The following GALNT13 variants were observed in gnomAD, a reference collection of about 807,000 sequenced individuals.
The protein encoded by GALNT13 is UDP-GalNAc:polypeptide N-acetylgalactosaminyltransferase 13.
GALNT13 carries 28 observed loss-of-function variants against 64.2 expected under a neutral mutation model. The ratio of observed to expected loss-of-function variants is 0.44; its 90% CI spans 0.32 to 0.60. The LOEUF is 0.60. Among genes scored for constraint, GALNT13 ranks in the 20% least tolerant of loss-of-function variants. GALNT13 has a pLI of 0.05. For missense variants in GALNT13, 577 were observed against 669.8 expected (o/e 0.86, Z 1.53); for synonymous variants, 214 against 224.6 (o/e 0.95, Z 0.42).
At chr2:154,284,313 A>G (rs143257820) in intron 8 of GALNT13, among the ~76,000 whole-genome samples, 19 of 152,084 alleles carry the variant, frequency 1.2e-4, no homozygotes, top group African/African-American at 4.3e-4. Context: ...TTCTCTTTCT[A>G]TGAGATTGAC....
the GALNT13 span, among the ~76,000 whole-genome samples, chr2:153,583,561 C>A: frequency 1.3e-5 from 2 of 152,078 alleles, no homozygotes; most frequent in Non-Finnish European, 2.9e-5. Flanking sequence ...TGAATGAATG[C>A]CTTTTTGTGG....
chr2:153,823,338 G>A, the GALNT13 span, among the ~76,000 whole-genome samples: 1 of 152,140 alleles, frequency 6.6e-6, no homozygotes, highest in African/African-American at 2.4e-5. Context: ...TGAAAAGACC[G>A]AAACCAGAGA....
chr2:153,653,086 A>T, the GALNT13 span, among the ~76,000 whole-genome samples: 2 of 152,152 alleles, frequency 1.3e-5, no homozygotes, highest in African/African-American at 4.8e-5. Context: ...TAGCCTTGCA[A>T]TTGAGTCAGG....
chr2:154,362,460 A>C (rs1697129697), intron 9 of GALNT13, among the ~76,000 whole-genome samples: 3 of 151,720 alleles, frequency 2.0e-5, no homozygotes, highest in Admixed American at 6.6e-5. Context: ...CTCTCGGAGA[A>C]TGTTTAGCAT....
the GALNT13 span, among the ~76,000 whole-genome samples, chr2:153,504,084 C>A: frequency 3.9e-5 from 6 of 152,082 alleles, no homozygotes; most frequent in Non-Finnish European, 5.9e-5. Context: ...TTGTAGTTTT[C>A]TTCTTAGAAA....
the GALNT13 span, among the ~76,000 whole-genome samples, chr2:153,838,953 T>C: frequency 6.6e-6 from 1 of 151,910 alleles, no homozygotes; most frequent in African/African-American, 2.4e-5. Flanking sequence ...TTCAATTTTT[T>C]ATCTTTTTTT....
At chr2:153,178,471 A>T in the GALNT13 span, among the ~76,000 whole-genome samples, 9 of 152,194 alleles carry the variant, frequency 5.9e-5, no homozygotes, top group South Asian at 1.0e-3. Flanking sequence ...GATGTTGAAT[A>T]TTTTGTCATA....
the GALNT13 span, among the ~76,000 whole-genome samples, chr2:153,651,160 A>G: frequency 6.6e-6 from 1 of 151,982 alleles, no homozygotes; most frequent in Non-Finnish European, 1.5e-5. Flanking sequence ...TATTCGTACC[A>G]CAATAAAGTA....
chr2:154,250,191 T>C (rs1689995274), intron 7 of GALNT13, among the ~76,000 whole-genome samples: 2 of 152,108 alleles, frequency 1.3e-5, no homozygotes, highest in Admixed American at 6.5e-5. Context: ...GTTTTAAATT[T>C]ATATCTGATA....
intron 8 of GALNT13, among the ~76,000 whole-genome samples, chr2:154,263,339 G>A (rs1199491974): frequency 2.0e-5 from 3 of 152,112 alleles, no homozygotes; most frequent in Non-Finnish European, 2.9e-5. Context: ...ATGATATTAT[G>A]TATATTGTGC....
the GALNT13 span, among the ~76,000 whole-genome samples, chr2:153,656,794 G>A: frequency 1.3e-5 from 2 of 152,098 alleles, no homozygotes; most frequent in Non-Finnish European, 2.9e-5. Context: ...GAGAACCGGG[G>A]CATCAAATCT....
At chr2:153,755,012 C>A in the GALNT13 span, among the ~76,000 whole-genome samples, 2 of 152,120 alleles carry the variant, frequency 1.3e-5, no homozygotes, top group Non-Finnish European at 2.9e-5. Context: ...GCTGCACTCT[C>A]CCTCTCTCTA....
chr2:153,783,409 GTTGT>G, the GALNT13 span, among the ~76,000 whole-genome samples: 36,308 of 151,654 alleles, frequency 0.24, 5,650 homozygotes, highest in Middle Eastern at 0.44. Context: ...TTTTTTTGTT[GTTGT>G]TTGTTTGTTT....
At chr2:154,055,713 G>A (rs910660040) in intron 3 of GALNT13, among the ~76,000 whole-genome samples, 2 of 152,016 alleles carry the variant, frequency 1.3e-5, no homozygotes, top group African/African-American at 2.4e-5. Flanking sequence ...AATTTCAAAG[G>A]CAAGCCAGTA....
At chr2:153,218,902 CTGAT>C in the GALNT13 span, among the ~76,000 whole-genome samples, 1,576 of 152,224 alleles carry the variant, frequency 0.01, 26 homozygotes, top group African/African-American at 0.035. Context: ...CCCTAGTTCT[CTGAT>C]TGGTTCAAAA....
rs150312027 is a variant in GALNT13 at position 154,247,776 on chromosome 2, G to A, written c.857+1794G>A. On this transcript the variant is annotated intron_variant, in intron 7 of 12. Coordinates refer to ENST00000392825, the MANE Select transcript of GALNT13 (RefSeq NM_052917.4). ...AGTATATTTTGTTTCCTGCAGTAAC[G>A]GCACATCATTTTATTTTCTAACATG... 6.6e-5 allele frequency among the ~76,000 whole-genome samples: 10 copies of A among 152,046 alleles called. No individual in the cohort carries two copies. The East Asian group carries it at 1.2e-3, about 18-fold the overall frequency.
chr2:153,535,130 G>A, the GALNT13 span, among the ~76,000 whole-genome samples: 256 of 152,142 alleles, frequency 1.7e-3, 1 homozygote, highest in South Asian at 3.1e-3. Context: ...CTGAAGGGAG[G>A]TCTTGTGGTA....
the GALNT13 span, among the ~76,000 whole-genome samples, chr2:153,245,607 T>TC: frequency 6.6e-6 from 1 of 151,260 alleles, no homozygotes; most frequent in Non-Finnish European, 1.5e-5. Flanking sequence ...AGAAAAGACC[T>TC]CCCCCCCTCC....
chr2:153,510,415 C>T, the GALNT13 span, among the ~76,000 whole-genome samples: 1 of 152,158 alleles, frequency 6.6e-6, no homozygotes, highest in Non-Finnish European at 1.5e-5. Flanking sequence ...GGAACCATTC[C>T]AGGCTTAGAC....
Sources: gnomAD v4.1 joint callset for allele counts (sites outside exome capture counted in the v4.1 genomes callset) on GRCh38, gnomAD v4.1.1 for gene constraint, MANE v1.5 for transcripts, NCBI Gene and HGNC (gene_info 2026-07-23, HGNC 2026-07-21) for gene names.